VPS53: variants seen among roughly 807,000 people sequenced by gnomAD.
The protein encoded by VPS53 is vacuolar protein sorting-associated protein 53 homolog.
A neutral mutation model predicts 107.0 loss-of-function variants in VPS53; 70 were observed. The ratio of observed to expected loss-of-function variants is 0.65; its 90% CI spans 0.54 to 0.80. The LOEUF is 0.80. VPS53 is among the 30% of genes least tolerant of loss of function. The pLI, the probability that VPS53 is intolerant of heterozygous loss-of-function variation, is 0.00. For synonymous variants in VPS53, 409 were observed against 393.3 expected (o/e 1.04, Z -0.47); for missense variants, 917 against 1,049.4 (o/e 0.87, Z 1.74).
chr17:622,518 T>C (rs1438581707), intron 11 of VPS53, among the ~76,000 whole-genome samples: 1 of 152,194 alleles, frequency 6.6e-6, no homozygotes, highest in Non-Finnish European at 1.5e-5. Context: ...GTGTACACTC[T>C]GCACGACTCG....
chr17:699,669 G>A (rs903753640), intron 2 of VPS53, among the ~76,000 whole-genome samples: 6 of 152,184 alleles, frequency 3.9e-5, no homozygotes, highest in Admixed American at 2.6e-4. Context: ...GTAGGCAGTC[G>A]TGAAAGACGC....
intron 19 of VPS53, among the ~76,000 whole-genome samples, chr17:522,086 T>C (rs932254435): frequency 1.2e-4 from 19 of 152,158 alleles, no homozygotes; most frequent in African/African-American, 4.6e-4. Context: ...AAACCCCGCC[T>C]CTACAAAAAA....
chr17:530,369 G>C (rs2151803494), intron 19 of VPS53, among the ~76,000 whole-genome samples: 1 of 151,990 alleles, frequency 6.6e-6, no homozygotes, highest in African/African-American at 2.4e-5. Flanking sequence ...TGGTCAGGCT[G>C]GTCTTTAACT....
At chr17:695,606 G>A (rs1342796517) in intron 4 of VPS53, among the ~76,000 whole-genome samples, 3 of 152,032 alleles carry the variant, frequency 2.0e-5, no homozygotes. Context: ...CTGGAGTGCA[G>A]TGGCGCGATG....
chr17:663,756 A>G (rs754034853), intron 4 of VPS53, among the ~76,000 whole-genome samples: 9 of 152,150 alleles, frequency 5.9e-5, no homozygotes, highest in Non-Finnish European at 1.0e-4. Flanking sequence ...TCAATCACTC[A>G]ATGAGTATTT....
chr17:622,069 A>T (rs1276575939), intron 11 of VPS53, among the ~76,000 whole-genome samples: 1 of 151,976 alleles, frequency 6.6e-6, no homozygotes, highest in Non-Finnish European at 1.5e-5. Flanking sequence ...AAAATTAGCC[A>T]GGCTTAGTGG....
intron 17 of VPS53, among the ~76,000 whole-genome samples, chr17:551,401 C>T (rs920542535): frequency 6.6e-6 from 1 of 151,938 alleles, no homozygotes; most frequent in African/African-American, 2.4e-5. Context: ...ACTCTTAGCT[C>T]TACAAAAAAT....
intron 12 of VPS53, among the ~76,000 whole-genome samples, chr17:601,454 A>G (rs2143008211): frequency 6.6e-6 from 1 of 152,256 alleles, no homozygotes; most frequent in South Asian, 2.1e-4. Flanking sequence ...CTCTCTCATC[A>G]TCACTGTACC....
chr17:665,451 C>T, intron 4 of VPS53, among the ~76,000 whole-genome samples: 1 of 152,196 alleles, frequency 6.6e-6, no homozygotes, highest in East Asian at 1.9e-4. Context: ...TATTCTGTTA[C>T]AGTAACATAA....
intron 12 of VPS53, among the ~76,000 whole-genome samples, chr17:595,944 G>A (rs1327366114): frequency 6.2e-5 from 8 of 128,360 alleles, no homozygotes; most frequent in Admixed American, 3.8e-4. Context: ...CAATTTCCTC[G>A]TTTGATGATG....
At chr17:672,125 C>T (rs992427347) in intron 4 of VPS53, among the ~76,000 whole-genome samples, 6 of 147,840 alleles carry the variant, frequency 4.1e-5, no homozygotes, top group African/African-American at 1.5e-4. Flanking sequence ...CACACACACA[C>T]ACACACACAC....
intron 11 of VPS53, among the ~76,000 whole-genome samples, chr17:607,311 T>C (rs551138712): frequency 1.8e-4 from 28 of 152,280 alleles, no homozygotes; most frequent in African/African-American, 6.5e-4. Flanking sequence ...CCCATCAACT[T>C]TGCACTTTCT....
At chr17:541,274 C>T (rs1910617432) in intron 17 of VPS53, among the ~76,000 whole-genome samples, 1 of 152,226 alleles carries the variant, frequency 6.6e-6, no homozygotes, top group Admixed American at 6.5e-5. Context: ...TGCAGCAGGG[C>T]ACTGAGCATC....
intron 13 of VPS53, among the ~76,000 whole-genome samples, chr17:565,085 TACTCA>T: frequency 6.6e-6 from 1 of 152,194 alleles, no homozygotes; most frequent in African/African-American, 2.4e-5. Context: ...ATTGACATTT[TACTCA>T]AAGGCTTTTG....
chr17:602,953 G>T (rs1968395213), intron 11 of VPS53, among the ~76,000 whole-genome samples: 1 of 152,184 alleles, frequency 6.6e-6, no homozygotes, highest in Non-Finnish European at 1.5e-5. Flanking sequence ...TGGCTCTCTG[G>T]AGACGAGAAG....
intron 17 of VPS53, chr17:539,121 G>A (rs60797161): frequency 0.21 from 31,526 of 152,148 alleles, 6,675 homozygotes; most frequent in African/African-American, 0.53. Flanking sequence ...AGCAATGACT[G>A]TTACTTTCCA....
In VPS53 at chr17:515,052, G is replaced by A. The variant is rs1259872916; in HGVS notation, c.*4076C>T. ...GACAAGTCCCCTCAGTAAGAGCAGA[G>A]TGAACTCTTTATTGATTATACAAAT... On this transcript the variant is annotated 3_prime_UTR_variant, in exon 22 of 22. Coordinates refer to ENST00000437048, the MANE Select transcript of VPS53 (RefSeq NM_001128159.3). 1.3e-5 allele frequency: 2 copies of A among 152,196 alleles called. No homozygotes were observed. Among genetic ancestry groups the A allele is most frequent in the Admixed American group, 6.5e-5 (1 of 15,276 alleles). The allele number at this position is 152,196 out of a possible 1,614,324, so 9.4% of individuals were successfully genotyped here.
At position 601,854 on chromosome 17, in the gene VPS53, C is replaced by T. The variant is rs1037667226; in HGVS notation, c.1159G>A (p.Glu387Lys). The change falls in exon 12 of 22, where the codon GAA becomes AAA. Residue 387 changes from glutamate to lysine, a missense_variant. By Grantham distance (56) the Glu-to-Lys change is moderately conservative. Coordinates refer to ENST00000437048, the MANE Select transcript of VPS53 (RefSeq NM_001128159.3). ...TCCATCTCTGGTGTTGGCTCATCTT[C>T]CAGGAAGGGATTGGTAGATGGGGGT... ...SPPPSTNPFL[E>K]DEPTPEMEEL... The T allele has an allele frequency of 8.7e-6, 14 of 1,601,906 alleles. No homozygotes were observed. Among genetic ancestry groups the T allele is most frequent in the African/African-American group, 2.7e-5 (2 of 74,506 alleles).
At chr17:621,197 C>T (rs949136460) in intron 11 of VPS53, among the ~76,000 whole-genome samples, 8 of 152,052 alleles carry the variant, frequency 5.3e-5, no homozygotes, top group Non-Finnish European at 1.0e-4. Flanking sequence ...TTACTTTTTC[C>T]ATAAAAGACA....
Sources: allele counts gnomAD v4.1 joint callset (sites outside exome capture counted in the v4.1 genomes callset), GRCh38; gene constraint gnomAD v4.1.1; transcripts MANE v1.5; gene names NCBI Gene and HGNC (gene_info 2026-07-23, HGNC 2026-07-21).